The following CPEB3 variants were observed in gnomAD, a reference collection of about 807,000 sequenced individuals.
CPEB3 encodes cytoplasmic polyadenylation element binding protein 3, also known as cytoplasmic polyadenylation element-binding protein 3.
A neutral mutation model predicts 67.2 loss-of-function variants in CPEB3; 20 were observed. That is an observed-to-expected ratio of 0.30 (90% CI 0.21 to 0.43). The LOEUF is 0.43. Ranked by LOEUF, CPEB3 falls within the 20% of genes least tolerant of loss-of-function variation. CPEB3 has a pLI of 1.00. For synonymous variants in CPEB3, 376 were observed against 393.1 expected (o/e 0.96, Z 0.51); for missense variants, 746 against 968.6 (o/e 0.77, Z 3.05).
intron 7 of CPEB3, 88 bp downstream of exon 7, chr10:92,110,988 C>A (rs1844710560): frequency 1.0e-6 from 1 of 970,468 alleles, no homozygotes; most frequent in African/African-American, 1.6e-5. Flanking sequence ...TCCTAGTTAC[C>A]AGCATTTCCA....
At chr10:92,091,798 T>C (rs369829144) in intron 8 of CPEB3, 32 bp downstream of exon 8, 9 of 1,337,262 alleles carry the variant, frequency 6.7e-6, no homozygotes, top group Admixed American at 6.0e-5. Flanking sequence ...TGTTGTTGGT[T>C]TTGTTGTTGT....
intron 4 of CPEB3, among the ~76,000 whole-genome samples, chr10:92,157,737 C>A (rs2133927671): frequency 6.6e-6 from 1 of 152,136 alleles, no homozygotes; most frequent in East Asian, 1.9e-4. Flanking sequence ...GAATACAGGG[C>A]AGAAAAATAT....
At chr10:92,135,112 G>A (rs951956077) in intron 6 of CPEB3, among the ~76,000 whole-genome samples, 3 of 152,042 alleles carry the variant, frequency 2.0e-5, no homozygotes, top group East Asian at 1.9e-4. Flanking sequence ...GGGCAAGGAC[G>A]TCATGACTAA....
chr10:92,149,583 T>G (rs989071646), intron 4 of CPEB3, among the ~76,000 whole-genome samples: 2 of 152,206 alleles, frequency 1.3e-5, no homozygotes, highest in Non-Finnish European at 2.9e-5. Context: ...GACAGTTTTA[T>G]TAAGTGGTTA....
chr10:92,228,164 AT>A (rs1355509137), intron 2 of CPEB3, among the ~76,000 whole-genome samples: 1 of 152,218 alleles, frequency 6.6e-6, no homozygotes, highest in Non-Finnish European at 1.5e-5. Flanking sequence ...CTGAGATTAC[AT>A]GCGTGAGCCA....
At chr10:92,108,348 C>T (rs1844569672) in intron 7 of CPEB3, among the ~76,000 whole-genome samples, 1 of 152,178 alleles carries the variant, frequency 6.6e-6, no homozygotes. Flanking sequence ...TCCAAAGGTT[C>T]AACACAGTTC....
chr10:92,076,216 G>A (rs1426122505), intron 9 of CPEB3: 3 of 152,186 alleles, frequency 2.0e-5, no homozygotes, highest in African/African-American at 7.2e-5. Context: ...AATAAAGGTT[G>A]ATGCTACTTA....
chr10:92,247,917 CAG>C (rs1852139010), intron 1 of CPEB3, among the ~76,000 whole-genome samples: 1 of 151,982 alleles, frequency 6.6e-6, no homozygotes, highest in African/African-American at 2.4e-5. Context: ...TTCTTTGAGA[CAG>C]AGTCTTGCTC....
At chr10:92,058,683 A>G (rs2134293016) in intron 9 of CPEB3, among the ~76,000 whole-genome samples, 1 of 151,938 alleles carries the variant, frequency 6.6e-6, no homozygotes, top group Non-Finnish European at 1.5e-5. Context: ...AAAGAGAAAG[A>G]TAGGCTCCGA....
intron 6 of CPEB3, among the ~76,000 whole-genome samples, chr10:92,139,491 C>A (rs1846286265): frequency 7.8e-6 from 1 of 128,456 alleles, no homozygotes; most frequent in Non-Finnish European, 1.6e-5. Context: ...CAATTGAACT[C>A]ATGATGACAG....
At chr10:92,199,278 C>T (rs575124710) in intron 2 of CPEB3, among the ~76,000 whole-genome samples, 1 of 151,640 alleles carries the variant, frequency 6.6e-6, no homozygotes, top group South Asian at 2.1e-4. Context: ...GTAATCCCAG[C>T]TACTCAGGAG....
intron 9 of CPEB3, among the ~76,000 whole-genome samples, chr10:92,058,070 GA>G (rs944956677): frequency 7.9e-5 from 12 of 152,150 alleles, no homozygotes; most frequent in Admixed American, 7.2e-4. Context: ...CACCATCCAG[GA>G]AAACATGACC....
intron 9 of CPEB3, among the ~76,000 whole-genome samples, chr10:92,070,983 A>G (rs1363948393): frequency 6.6e-6 from 1 of 152,108 alleles, no homozygotes; most frequent in Non-Finnish European, 1.5e-5. Context: ...GAGTTCAAAT[A>G]TTAGTCATCC....
intron 4 of CPEB3, among the ~76,000 whole-genome samples, chr10:92,164,257 C>G (rs191560987): frequency 8.0e-4 from 122 of 152,298 alleles, no homozygotes; most frequent in African/African-American, 2.7e-3. Context: ...AGCAGCAGAG[C>G]TGGGACTGAA....
chr10:92,157,430 C>T (rs1312054022), intron 4 of CPEB3, among the ~76,000 whole-genome samples: 1 of 152,154 alleles, frequency 6.6e-6, no homozygotes, highest in Non-Finnish European at 1.5e-5. Context: ...ACAGTTACAG[C>T]ATTACACAAA....
intron 4 of CPEB3, among the ~76,000 whole-genome samples, chr10:92,153,572 G>A (rs542872350): frequency 8.5e-5 from 13 of 152,302 alleles, no homozygotes; most frequent in African/African-American, 2.6e-4. Context: ...CCTGGGGTCA[G>A]GAGTTCGAGA....
chr10:92,133,913 A>C (rs1845963231), intron 6 of CPEB3, among the ~76,000 whole-genome samples: 1 of 152,186 alleles, frequency 6.6e-6, no homozygotes, highest in Admixed American at 6.5e-5. Context: ...ACAACAACAA[A>C]AAAACCACGA....
intron 1 of CPEB3, among the ~76,000 whole-genome samples, chr10:92,251,602 T>C (rs1167948953): frequency 2.0e-5 from 3 of 151,762 alleles, no homozygotes; most frequent in Non-Finnish European, 4.4e-5. Context: ...GGTATTCGAG[T>C]CAACTGAATA....
chr10:92,153,194 G>C (rs1048822384), intron 4 of CPEB3, among the ~76,000 whole-genome samples: 2 of 152,134 alleles, frequency 1.3e-5, no homozygotes, highest in African/African-American at 4.8e-5. Flanking sequence ...TAGCAGGATG[G>C]CGTGCTTCTA....
Sources: allele counts gnomAD v4.1 joint callset (sites outside exome capture counted in the v4.1 genomes callset), GRCh38; gene constraint gnomAD v4.1.1; transcripts MANE v1.5; gene names NCBI Gene and HGNC (gene_info 2026-07-23, HGNC 2026-07-21).